Variants in DOCK3 observed in about 807,000 individuals in gnomAD.
The protein encoded by DOCK3 is dedicator of cytokinesis protein 3.
Under a neutral mutation model 265.6 loss-of-function variants are expected in DOCK3, and 60 were observed. That is an observed-to-expected ratio of 0.23 (90% CI 0.18 to 0.28). DOCK3 has a LOEUF of 0.28. Ranked by LOEUF, DOCK3 falls within the 10% of genes least tolerant of loss-of-function variation. The pLI is 1.00. For missense variants in DOCK3, 1,981 were observed against 2,594.3 expected (o/e 0.76, Z 5.14); for synonymous variants, 881 against 938.0 (o/e 0.94, Z 1.11).
intron 2 of DOCK3, among the ~76,000 whole-genome samples, chr3:50,818,266 G>A (rs865949627): frequency 2.6e-5 from 4 of 152,162 alleles, no homozygotes; most frequent in South Asian, 4.1e-4. Flanking sequence ...GCCCCATACC[G>A]TACTCAGGCC....
At chr3:50,847,077 ATTTTTTTTTCTAAC>A (rs887418415) in intron 3 of DOCK3, among the ~76,000 whole-genome samples, 1 of 148,744 alleles carries the variant, frequency 6.7e-6, no homozygotes, top group African/African-American at 2.5e-5. Flanking sequence ...TGTAATTGCT[ATTTTTTTTTCTAAC>A]TTTTTGAGGT....
At chr3:51,291,263 A>G in intron 27 of DOCK3, among the ~76,000 whole-genome samples, 1 of 152,124 alleles carries the variant, frequency 6.6e-6, no homozygotes, top group Non-Finnish European at 1.5e-5. Flanking sequence ...GAAAAAACTA[A>G]CCCCAAAGTT....
At chr3:51,134,540 TCAAA>T (rs889893566) in intron 9 of DOCK3, among the ~76,000 whole-genome samples, 1 of 152,154 alleles carries the variant, frequency 6.6e-6, no homozygotes, top group Admixed American at 6.5e-5. Context: ...GTCATGAACC[TCAAA>T]CAAACTGTGT....
intron 1 of DOCK3, among the ~76,000 whole-genome samples, chr3:50,756,499 A>C (rs2040172558): frequency 6.6e-6 from 1 of 152,136 alleles, no homozygotes; most frequent in South Asian, 2.1e-4. Context: ...TGTTTTGATT[A>C]GTTCAAAACA....
At chr3:50,862,766 C>G (rs1257330282) in intron 3 of DOCK3, among the ~76,000 whole-genome samples, 1 of 152,182 alleles carries the variant, frequency 6.6e-6, no homozygotes, top group Non-Finnish European at 1.5e-5. Flanking sequence ...ATTGGCTGTC[C>G]TTTATTGCCA....
At chr3:51,063,618 G>A (rs569576976) in intron 5 of DOCK3, among the ~76,000 whole-genome samples, 1 of 152,176 alleles carries the variant, frequency 6.6e-6, no homozygotes, top group East Asian at 1.9e-4. Context: ...TACATCCCAA[G>A]AATTTTAATT....
intron 4 of DOCK3, among the ~76,000 whole-genome samples, chr3:50,930,877 TCTCA>T (rs1488538059): frequency 6.6e-6 from 1 of 152,124 alleles, no homozygotes; most frequent in Non-Finnish European, 1.5e-5. Context: ...TGGGCACCAC[TCTCA>T]CTTCCCCCGA....
rs1350269513 is a variant in DOCK3 at position 50,719,726 on chromosome 3, A to G, written c.37+44426A>G. On this transcript the variant is annotated intron_variant, in intron 1 of 52. Coordinates refer to ENST00000266037, the MANE Select transcript of DOCK3 (RefSeq NM_004947.5). ...TATGCTTCAGAGTGAAGTTCTTATC[A>G]TCAAATTTCTCCCTATAGATGGACT... 19 of 1,380,108 alleles carry G rather than the reference A, an allele frequency of 1.4e-5. No homozygotes were observed. In the Admixed American group the frequency reaches 3.0e-4, roughly 22 times the overall value. The allele number at this position is 1,380,108 out of a possible 1,614,324, so 85.5% of individuals were successfully genotyped here. A position where few individuals can be genotyped will look rare whatever the true frequency, so the allele number is the denominator to read the frequency against.
intron 3 of DOCK3, among the ~76,000 whole-genome samples, chr3:50,870,915 G>A (rs2047402662): frequency 6.6e-6 from 1 of 151,868 alleles, no homozygotes; most frequent in Non-Finnish European, 1.5e-5. Flanking sequence ...TAATTCCCCT[G>A]CTTTTCAACT....
At chr3:50,919,411 G>T (rs1324317038) in intron 4 of DOCK3, among the ~76,000 whole-genome samples, 1 of 152,104 alleles carries the variant, frequency 6.6e-6, no homozygotes, top group Non-Finnish European at 1.5e-5. Context: ...CCATTTGTTT[G>T]TGTCCTCTTT....
At chr3:51,053,479 G>A (rs1290203841) in intron 5 of DOCK3, among the ~76,000 whole-genome samples, 1 of 149,124 alleles carries the variant, frequency 6.7e-6, no homozygotes. Context: ...CTGGAGTGCA[G>A]TGGCATGATC....
chr3:50,845,644 T>G (rs1222321110), intron 3 of DOCK3, among the ~76,000 whole-genome samples: 1 of 152,122 alleles, frequency 6.6e-6, no homozygotes, highest in Non-Finnish European at 1.5e-5. Context: ...AGGGAATCTG[T>G]CATTCAACAG....
At chr3:51,235,482 T>C (rs755762216) in intron 19 of DOCK3, among the ~76,000 whole-genome samples, 3 of 152,170 alleles carry the variant, frequency 2.0e-5, no homozygotes, top group Non-Finnish European at 4.4e-5. Flanking sequence ...TTACTTCTTA[T>C]TGGAAGATTT....
At chr3:51,192,731 G>A (rs943553948) in intron 12 of DOCK3, among the ~76,000 whole-genome samples, 1 of 152,012 alleles carries the variant, frequency 6.6e-6, no homozygotes, top group Non-Finnish European at 1.5e-5. Flanking sequence ...AGAACCAGGG[G>A]CAAATGGGAA....
chr3:50,848,311 A>T (rs914817262), intron 3 of DOCK3, among the ~76,000 whole-genome samples: 1 of 152,204 alleles, frequency 6.6e-6, no homozygotes, highest in African/African-American at 2.4e-5. Flanking sequence ...CAACATTAAT[A>T]CTGATATGCG....
intron 1 of DOCK3, among the ~76,000 whole-genome samples, chr3:50,682,095 A>C (rs1455515432): frequency 6.6e-6 from 1 of 152,238 alleles, no homozygotes; most frequent in Non-Finnish European, 1.5e-5. Context: ...AGTAAGTCAT[A>C]AACTTTAGAA....
chr3:51,263,394 C>CAGG (rs2079969171), intron 23 of DOCK3, among the ~76,000 whole-genome samples: 6 of 152,176 alleles, frequency 3.9e-5, no homozygotes, highest in Non-Finnish European at 5.9e-5. Context: ...ACCACCAGGC[C>CAGG]TGCCTTACAA....
At chr3:50,826,381 C>T (rs1019893403) in intron 2 of DOCK3, among the ~76,000 whole-genome samples, 1 of 152,174 alleles carries the variant, frequency 6.6e-6, no homozygotes, top group Non-Finnish European at 1.5e-5. Context: ...ACTTGATACT[C>T]TTGAAGTCTG....
chr3:50,723,438 AG>A (rs1298263469), intron 1 of DOCK3, among the ~76,000 whole-genome samples: 1 of 152,168 alleles, frequency 6.6e-6, no homozygotes, highest in Non-Finnish European at 1.5e-5. Context: ...TGGGAGGCTG[AG>A]GCGGGGGGAT....
Sources: gnomAD v4.1 joint callset for allele counts (sites outside exome capture counted in the v4.1 genomes callset) on GRCh38, gnomAD v4.1.1 for gene constraint, MANE v1.5 for transcripts, NCBI Gene and HGNC (gene_info 2026-07-23, HGNC 2026-07-21) for gene names.